Variants in COMMD10 observed in about 807,000 individuals in gnomAD.
COMMD10 encodes COMM domain containing 10.
In COMMD10, 33 loss-of-function variants were observed where a neutral mutation model predicts 28.9. The observed-to-expected ratio is 1.14, with a 90% CI of 0.87 to 1.53. COMMD10 has a LOEUF of 1.53. Ranked by LOEUF, COMMD10 falls within the 40% of genes most tolerant of loss-of-function variation. COMMD10 has a pLI of 0.00. For missense variants in COMMD10, 310 were observed against 233.4 expected, an observed-to-expected ratio of 1.33 and a Z score of -2.14; for synonymous variants, 110 against 81.7, an observed-to-expected ratio of 1.35 and a Z score of -1.87.
chr5:116,110,861 GAGGAC>G (rs538680773), intron 4 of COMMD10, among the ~76,000 whole-genome samples: 3,539 of 152,266 alleles, frequency 0.023, 54 homozygotes, highest in Non-Finnish European at 0.033. Context: ...TCACTATTGT[GAGGAC>G]AATACCAAGA....
At position 116,258,227 on chromosome 5, in the gene COMMD10, T is replaced by G. The variant is rs182472361; in HGVS notation, c.511-33290T>G. ...TCTCTTACCGAATTTCAATACTCTT[T>G]TCTAACAATGTCTTAGAATTTTGTA... On this transcript the variant is annotated intron_variant, in intron 5 of 6. Coordinates refer to ENST00000274458, the MANE Select transcript of COMMD10 (RefSeq NM_016144.4). 2.6e-3 allele frequency among the ~76,000 whole-genome samples: 390 copies of G among 151,938 alleles called. 2 individuals carry two copies. The highest frequency in any genetic ancestry group is 4.4e-3 in the Non-Finnish European group (300 of 67,972).
chr5:116,154,081 G>A (rs560812321), intron 5 of COMMD10, among the ~76,000 whole-genome samples: 3 of 152,170 alleles, frequency 2.0e-5, no homozygotes, highest in South Asian at 4.2e-4. Flanking sequence ...GAACAGACAG[G>A]CAGTGTCTGA....
intron 5 of COMMD10, among the ~76,000 whole-genome samples, chr5:116,248,514 C>G (rs1309080695): frequency 6.6e-6 from 1 of 151,890 alleles, no homozygotes; most frequent in East Asian, 1.9e-4. Context: ...GTGCGAGACC[C>G]TAGTTAGGTA....
At chr5:116,257,747 T>G (rs748589614) in intron 5 of COMMD10, among the ~76,000 whole-genome samples, 1 of 151,744 alleles carries the variant, frequency 6.6e-6, no homozygotes, top group African/African-American at 2.4e-5. Context: ...AGGAATATTA[T>G]GGTGGGTTCA....
At chr5:116,230,186 G>A (rs1561677575) in intron 5 of COMMD10, among the ~76,000 whole-genome samples, 3 of 152,114 alleles carry the variant, frequency 2.0e-5, no homozygotes, top group East Asian at 3.9e-4. Context: ...GTATAAGGAA[G>A]CCATGTAACA....
chr5:116,125,297 CTTCACATATGAAG>C (rs1157493590), intron 4 of COMMD10, among the ~76,000 whole-genome samples: 1 of 152,108 alleles, frequency 6.6e-6, no homozygotes, highest in Admixed American at 6.6e-5. Flanking sequence ...TTTATTTCTC[CTTCACATATGAAG>C]TTTATTTTGG....
chr5:116,240,635 C>T (rs949068045), intron 5 of COMMD10, among the ~76,000 whole-genome samples: 2 of 152,122 alleles, frequency 1.3e-5, no homozygotes, highest in African/African-American at 4.8e-5. Context: ...TTAAGAGTTT[C>T]TCCTGCTTCG....
At chr5:116,136,608 A>T (rs556312002) in intron 5 of COMMD10, among the ~76,000 whole-genome samples, 1 of 152,290 alleles carries the variant, frequency 6.6e-6, no homozygotes, top group East Asian at 1.9e-4. Context: ...AGTAGGAATA[A>T]AAGAGTAATG....
intron 5 of COMMD10, among the ~76,000 whole-genome samples, chr5:116,157,433 G>C (rs1281378171): frequency 6.6e-6 from 1 of 152,182 alleles, no homozygotes. Flanking sequence ...GCCGGGTCTA[G>C]TTTGGGATGA....
At chr5:116,279,629 G>T (rs2112706572) in intron 5 of COMMD10, among the ~76,000 whole-genome samples, 1 of 151,902 alleles carries the variant, frequency 6.6e-6, no homozygotes, top group South Asian at 2.1e-4. Context: ...ATATTCACTG[G>T]ACTAACTTTT....
chr5:116,112,272 C>G (rs763115097), intron 4 of COMMD10, among the ~76,000 whole-genome samples: 10 of 152,124 alleles, frequency 6.6e-5, no homozygotes, highest in Non-Finnish European at 1.0e-4. Context: ...AAAAATATAG[C>G]TACCTCTGCT....
intron 5 of COMMD10, among the ~76,000 whole-genome samples, chr5:116,207,446 C>T (rs1030042704): frequency 2.0e-5 from 3 of 152,060 alleles, no homozygotes. Context: ...AAGATAATAT[C>T]GATGTTCTCT....
At chr5:116,160,288 T>TA (rs1423091602) in intron 5 of COMMD10, among the ~76,000 whole-genome samples, 3 of 152,210 alleles carry the variant, frequency 2.0e-5, no homozygotes, top group African/African-American at 7.2e-5. Flanking sequence ...TATGAGTTTT[T>TA]AAAAAATATA....
At chr5:116,144,271 A>G (rs893753280) in intron 5 of COMMD10, among the ~76,000 whole-genome samples, 1 of 151,916 alleles carries the variant, frequency 6.6e-6, no homozygotes, top group African/African-American at 2.4e-5. Flanking sequence ...GGAACAGCCA[A>G]ATACCAAAGG....
chr5:116,124,526 T>A (rs1164703639), intron 4 of COMMD10, among the ~76,000 whole-genome samples: 1 of 152,210 alleles, frequency 6.6e-6, no homozygotes, highest in Admixed American at 6.5e-5. Context: ...GATGCGGTGC[T>A]GAGAAGAATG....
At chr5:116,134,447 G>T (rs573491225) in intron 5 of COMMD10, among the ~76,000 whole-genome samples, 69 of 152,200 alleles carry the variant, frequency 4.5e-4, no homozygotes, top group African/African-American at 1.6e-3. Context: ...TTAGGTATTT[G>T]CAGATATTCC....
intron 5 of COMMD10, among the ~76,000 whole-genome samples, chr5:116,268,777 A>G (rs140337842): frequency 0.021 from 3,210 of 151,982 alleles, 177 homozygotes; most frequent in African/African-American, 0.073. Flanking sequence ...ATAAAAAAGG[A>G]TGAGTTTATG....
Position 116,085,037 on chromosome 5 carries a change from T to A in COMMD10, c.-16T>A. 6.2e-7 allele frequency: 1 copy of A among 1,605,130 alleles called. No individual in the cohort carries two copies. The highest frequency in any genetic ancestry group is 8.5e-7 in the Non-Finnish European group (1 of 1,177,504). ...CGGCGCAGCTAACAGACGGCGGCAGTGCGAGAAAGCCGAAGATGGCGGTCC... is the reference window on the plus strand; with the variant it reads ...CGGCGCAGCTAACAGACGGCGGCAGAGCGAGAAAGCCGAAGATGGCGGTCC... On this transcript the variant is annotated 5_prime_UTR_variant, in exon 1 of 7. Transcript: ENST00000274458.
At chr5:116,196,390 G>A (rs1464769998) in intron 5 of COMMD10, among the ~76,000 whole-genome samples, 1 of 152,138 alleles carries the variant, frequency 6.6e-6, no homozygotes, top group Non-Finnish European at 1.5e-5. Context: ...CAAATATGGT[G>A]CAGTGTATAC....
Sources: gnomAD v4.1 joint callset for allele counts (sites outside exome capture counted in the v4.1 genomes callset) on GRCh38, gnomAD v4.1.1 for gene constraint, MANE v1.5 for transcripts, NCBI Gene and HGNC (gene_info 2026-07-23, HGNC 2026-07-21) for gene names.